DIAPH2: variants seen among roughly 807,000 people sequenced by gnomAD.
DIAPH2 encodes the protein protein diaphanous homolog 2.
Under a neutral mutation model 92.7 loss-of-function variants are expected in DIAPH2, and 35 were observed. That is an observed-to-expected ratio of 0.38 (90% CI 0.29 to 0.50). DIAPH2 has a LOEUF of 0.50. Among genes scored for constraint, DIAPH2 ranks in the 20% least tolerant of loss-of-function variants. The pLI, the probability that DIAPH2 is intolerant of heterozygous loss-of-function variation, is 0.94. For missense variants in DIAPH2, 701 were observed against 819.5 expected (o/e 0.86, Z 1.77); for synonymous variants, 301 against 280.4 (o/e 1.07, Z -0.73).
chrX:96,961,976 G>T (rs1336715688), intron 16 of DIAPH2, among the ~76,000 whole-genome samples: 1 of 108,890 alleles, frequency 9.2e-6, no homozygotes, highest in Non-Finnish European at 1.9e-5. Context: ...TTATGCTGAT[G>T]GGAAGAGTGT....
At chrX:97,119,670 A>G (rs1348113686) in intron 21 of DIAPH2, among the ~76,000 whole-genome samples, 2 of 111,497 alleles carry the variant, frequency 1.8e-5, no homozygotes, top group African/African-American at 6.5e-5. Flanking sequence ...AAGGGCCATC[A>G]GGTGGGGCAG....
chrX:97,053,965 T>G (rs906563076), intron 17 of DIAPH2, among the ~76,000 whole-genome samples: 3 of 111,838 alleles, frequency 2.7e-5, no homozygotes, highest in Middle Eastern at 4.2e-3. Flanking sequence ...GACTTGACAT[T>G]GTAGGATTTT....
chrX:96,710,440 A>T (rs2063910701), intron 1 of DIAPH2, among the ~76,000 whole-genome samples: 1 of 111,935 alleles, frequency 8.9e-6, no homozygotes, highest in African/African-American at 3.2e-5. Context: ...ATGCAGAAGG[A>T]TATACCATAT....
intron 5 of DIAPH2, among the ~76,000 whole-genome samples, chrX:96,895,949 T>C (rs1055159908): frequency 2.7e-5 from 3 of 111,898 alleles, no homozygotes; most frequent in Admixed American, 9.5e-5. Flanking sequence ...GCTTTATTTT[T>C]TCAAACTGAT....
At chrX:97,147,910 A>G (rs1428234636) in intron 22 of DIAPH2, among the ~76,000 whole-genome samples, 1 of 111,794 alleles carries the variant, frequency 8.9e-6, no homozygotes, top group African/African-American at 3.2e-5. Flanking sequence ...ATTAAAGGCA[A>G]TGTTATAGGG....
At chrX:96,902,083 G>T (rs1244650752) in intron 5 of DIAPH2, among the ~76,000 whole-genome samples, 1 of 111,629 alleles carries the variant, frequency 9.0e-6, no homozygotes, top group African/African-American at 3.3e-5. Context: ...CCATGTATTT[G>T]CATAGCTTTG....
intron 22 of DIAPH2, among the ~76,000 whole-genome samples, chrX:97,172,486 G>A (rs1208907990): frequency 9.0e-6 from 1 of 111,588 alleles, no homozygotes; most frequent in Admixed American, 9.6e-5. Context: ...TATCACTACT[G>A]CTTATAGAAA....
At chrX:97,486,281 C>G (rs932879316) in intron 26 of DIAPH2, among the ~76,000 whole-genome samples, 1 of 111,615 alleles carries the variant, frequency 9.0e-6, no homozygotes, top group Non-Finnish European at 1.9e-5. Flanking sequence ...ATGGAACTTC[C>G]AGCACACCTA....
intron 1 of DIAPH2, among the ~76,000 whole-genome samples, chrX:96,694,551 G>A (rs1164296868): frequency 9.0e-6 from 1 of 111,288 alleles, no homozygotes; most frequent in African/African-American, 3.3e-5. Flanking sequence ...ATGTTTCCCA[G>A]GCTAGTCTCA....
At chrX:97,066,095 T>G (rs890752472) in intron 17 of DIAPH2, among the ~76,000 whole-genome samples, 1 of 111,785 alleles carries the variant, frequency 8.9e-6, no homozygotes, top group African/African-American at 3.3e-5. Flanking sequence ...GAAAGAACAT[T>G]TCTGTGAATT....
intron 23 of DIAPH2, among the ~76,000 whole-genome samples, chrX:97,322,354 AAG>A (rs1362047460): frequency 8.9e-6 from 1 of 112,185 alleles, no homozygotes; most frequent in Non-Finnish European, 1.9e-5. Flanking sequence ...AGAGTAGAAA[AAG>A]AAATCAAATA....
At chrX:97,553,891 C>G (rs1276774658) in intron 26 of DIAPH2, among the ~76,000 whole-genome samples, 1 of 110,964 alleles carries the variant, frequency 9.0e-6, no homozygotes, top group South Asian at 3.8e-4. Context: ...GTAAAGCACT[C>G]AGCACATACC....
At chrX:96,989,238 G>A (rs1264439674) in intron 17 of DIAPH2, among the ~76,000 whole-genome samples, 2 of 111,808 alleles carry the variant, frequency 1.8e-5, no homozygotes, top group Non-Finnish European at 3.8e-5. Context: ...AAAATCTTTT[G>A]TATAAATTTC....
intron 26 of DIAPH2, among the ~76,000 whole-genome samples, chrX:97,546,940 T>C (rs1284917549): frequency 1.8e-5 from 2 of 112,178 alleles, no homozygotes; most frequent in Non-Finnish European, 3.8e-5. Context: ...GTCACTCACT[T>C]GCACTTATTT....
chrX:97,328,809 C>T (rs2068973308), intron 23 of DIAPH2, among the ~76,000 whole-genome samples: 1 of 110,815 alleles, frequency 9.0e-6, no homozygotes, highest in Non-Finnish European at 1.9e-5. Context: ...AATATACAGC[C>T]ACATTCATCA....
intron 26 of DIAPH2, among the ~76,000 whole-genome samples, chrX:97,471,457 A>G (rs2070561447): frequency 9.0e-6 from 1 of 110,756 alleles, no homozygotes; most frequent in African/African-American, 3.3e-5. Context: ...TTGAGAGGCC[A>G]AGGCGGGCGG....
chrX:97,185,433 A>G lies in DIAPH2; in HGVS notation c.2719+43639A>G, dbSNP rs865869347. On this transcript the variant is annotated intron_variant, in intron 22 of 26. Coordinates refer to ENST00000324765, the MANE Select transcript of DIAPH2 (RefSeq NM_006729.5). ...TATGTATATATATATGTATATATAT[A>G]TGTGTATATATATATGTGTGTGTAT... Among the ~76,000 whole-genome samples the G allele has an allele frequency of 3.1e-4, 18 of 57,439 alleles. 2 individuals are homozygous for G. The highest frequency in any genetic ancestry group is 2.3e-3 in the South Asian group (3 of 1,326). The allele number at this position is 57,439 out of a possible 115,157, so 49.9% of individuals were successfully genotyped here.
chrX:97,103,927 C>G (rs1015340262), intron 20 of DIAPH2, among the ~76,000 whole-genome samples: 6 of 111,528 alleles, frequency 5.4e-5, no homozygotes, highest in African/African-American at 2.0e-4. Flanking sequence ...GACCATTGCA[C>G]ATGCTGCTCC....
At chrX:96,973,674 C>T (rs2065941407) in intron 17 of DIAPH2, among the ~76,000 whole-genome samples, 1 of 98,327 alleles carries the variant, frequency 1.0e-5, no homozygotes. Flanking sequence ...TTATAGCAGG[C>T]ATTTGAATAT....
Sources: gnomAD v4.1 joint callset for allele counts (sites outside exome capture counted in the v4.1 genomes callset) on GRCh38, gnomAD v4.1.1 for gene constraint, MANE v1.5 for transcripts, NCBI Gene and HGNC (gene_info 2026-07-23, HGNC 2026-07-21) for gene names.